The following DRC8 variants were observed in gnomAD, a reference collection of about 807,000 sequenced individuals.
DRC8 encodes dynein regulatory complex subunit 8.
chr1:245,089,177 A>G, the DRC8 span, among the ~76,000 whole-genome samples: 3 of 152,154 alleles, frequency 2.0e-5, no homozygotes, highest in Non-Finnish European at 4.4e-5. This position sits in a 1 kb window ranked among gnomAD's most constrained non-coding sequence, Gnocchi z 4.8. Context: ...AGTGCCATTC[A>G]TTCAGATAAG....
chr1:245,064,909 A>G, the DRC8 span, among the ~76,000 whole-genome samples: 2 of 152,070 alleles, frequency 1.3e-5, no homozygotes, highest in African/African-American at 4.8e-5. Context: ...GTGTAAACAC[A>G]TATCTAATGT....
chr1:245,084,200 G>T, the DRC8 span, among the ~76,000 whole-genome samples: 1 of 151,052 alleles, frequency 6.6e-6, no homozygotes, highest in Admixed American at 6.6e-5. Context: ...TCCTGCCTCA[G>T]CCTCCCGAGT....
the DRC8 span, among the ~76,000 whole-genome samples, chr1:245,084,017 G>A: frequency 6.8e-6 from 1 of 147,158 alleles, no homozygotes. Context: ...GTAAATGAAG[G>A]CCTCTTCCTA....
chr1:244,991,439 A>G, the DRC8 span, among the ~76,000 whole-genome samples: 73 of 152,274 alleles, frequency 4.8e-4, no homozygotes, highest in Middle Eastern at 0.01. Flanking sequence ...GATTCGCTCA[A>G]TCCCCAGCCT....
At chr1:245,011,581 G>T in the DRC8 span, among the ~76,000 whole-genome samples, 1 of 152,118 alleles carries the variant, frequency 6.6e-6, no homozygotes, top group African/African-American at 2.4e-5. Context: ...CAAATGTTTT[G>T]GTTTTGGAGC....
chr1:245,066,467 G>A, the DRC8 span, among the ~76,000 whole-genome samples: 5 of 152,150 alleles, frequency 3.3e-5, no homozygotes, highest in Non-Finnish European at 7.3e-5. Flanking sequence ...AATATTAAGT[G>A]TAACTACAAA....
At chr1:245,089,205 G>A in the DRC8 span, among the ~76,000 whole-genome samples, 3 of 152,066 alleles carry the variant, frequency 2.0e-5, no homozygotes, top group Non-Finnish European at 4.4e-5. The surrounding 1 kb of genome is among the most constrained non-coding windows in gnomAD (Gnocchi z 4.8). Flanking sequence ...AGGAGCAAGT[G>A]GGGCATTTGG....
the DRC8 span, chr1:245,082,162 A>ATT: frequency 6.2e-7 from 1 of 1,608,654 alleles, no homozygotes; most frequent in South Asian, 1.1e-5. Context: ...CTAGAAAGAA[A>ATT]GTAAGTAAGT....
At chr1:245,010,682 T>TTTC in the DRC8 span, among the ~76,000 whole-genome samples, 52 of 89,530 alleles carry the variant, frequency 5.8e-4, no homozygotes, top group African/African-American at 2.4e-3. Flanking sequence ...TTTTTCTTTC[T>TTTC]TTTTTTTTTT....
At chr1:245,025,100 T>C in the DRC8 span, among the ~76,000 whole-genome samples, 1 of 152,188 alleles carries the variant, frequency 6.6e-6, no homozygotes, top group African/African-American at 2.4e-5. Flanking sequence ...GATTTAATTT[T>C]TGGAAACAAA....
chr1:244,985,097 T>TTC, the DRC8 span, among the ~76,000 whole-genome samples: 1 of 146,290 alleles, frequency 6.8e-6, no homozygotes, highest in African/African-American at 2.5e-5. Context: ...TTTTTTTTTT[T>TTC]TCTGATTACA....
At chr1:245,049,928 T>C in the DRC8 span, among the ~76,000 whole-genome samples, 7 of 152,212 alleles carry the variant, frequency 4.6e-5, no homozygotes, top group Admixed American at 3.3e-4. This position sits in a 1 kb window ranked among gnomAD's most constrained non-coding sequence, Gnocchi z 4.5. Flanking sequence ...ATCTGTAAAA[T>C]AGTACCTTTC....
At chr1:245,101,541 A>G in the DRC8 span, among the ~76,000 whole-genome samples, 1 of 152,222 alleles carries the variant, frequency 6.6e-6, no homozygotes, top group African/African-American at 2.4e-5. Flanking sequence ...TATGGACTGC[A>G]AAATGGTGAT....
At chr1:244,996,810 T>C in the DRC8 span, among the ~76,000 whole-genome samples, 2 of 152,234 alleles carry the variant, frequency 1.3e-5, no homozygotes, top group African/African-American at 4.8e-5. Context: ...ATTTTATATG[T>C]GGACACCTCT....
the DRC8 span, among the ~76,000 whole-genome samples, chr1:245,032,121 A>G: frequency 3.9e-5 from 6 of 152,182 alleles, no homozygotes; most frequent in Admixed American, 6.5e-5. Flanking sequence ...TTTCATCTTC[A>G]TATATAGTAA....
the DRC8 span, among the ~76,000 whole-genome samples, chr1:245,046,244 A>G: frequency 6.6e-6 from 1 of 151,916 alleles, no homozygotes; most frequent in East Asian, 1.9e-4. Context: ...TTAAGCTATG[A>G]ATTTTTTTCC....
the DRC8 span, chr1:245,059,433 G>T: frequency 6.2e-7 from 1 of 1,612,912 alleles, no homozygotes. Flanking sequence ...CCTACGGAAG[G>T]AGAGCTGCAT....
At chr1:244,981,609 T>A in the DRC8 span, among the ~76,000 whole-genome samples, 13 of 152,188 alleles carry the variant, frequency 8.5e-5, no homozygotes, top group Non-Finnish European at 1.9e-4. Flanking sequence ...TTGGAAGTCA[T>A]CACTCCGGTT....
At chr1:245,088,019 C>G in the DRC8 span, among the ~76,000 whole-genome samples, 1 of 152,146 alleles carries the variant, frequency 6.6e-6, no homozygotes, top group African/African-American at 2.4e-5. This position sits in a 1 kb window ranked among gnomAD's most constrained non-coding sequence, Gnocchi z 4.6. Flanking sequence ...GCAATTCTCC[C>G]TTTGTCTTTA....
Sources: gnomAD v4.1 joint callset for allele counts (sites outside exome capture counted in the v4.1 genomes callset) on GRCh38, gnomAD v4.1.1 for gene constraint, Gnocchi (gnomAD v3.1) non-coding constraint, MANE v1.5 for transcripts, NCBI Gene and HGNC (gene_info 2026-07-23, HGNC 2026-07-21) for gene names.